NEB: variants seen among roughly 807,000 people sequenced by gnomAD.
NEB encodes the protein nemaline myopathy type 2.
In NEB, 512 loss-of-function variants were observed where a neutral mutation model predicts 952.2. The observed-to-expected ratio is 0.54, with a 90% CI of 0.50 to 0.58. The LOEUF (loss-of-function observed/expected upper bound fraction) is 0.58, where lower values mean the gene tolerates loss of function less well. Among genes scored for constraint, NEB ranks in the 20% least tolerant of loss-of-function variants. The pLI, the probability that NEB is intolerant of heterozygous loss-of-function variation, is 0.00. For missense variants in NEB, 8,428 were observed against 9,231.1 expected (o/e 0.91, Z 3.56); for synonymous variants, 2,900 against 3,149.8 (o/e 0.92, Z 2.66).
chr2:151,507,157 G>T, intron 162 of NEB, 144 bp from the exon 163 acceptor site: 1 of 566,082 alleles, frequency 1.8e-6, no homozygotes, highest in South Asian at 2.5e-5. Context: ...TAGCCCAAGG[G>T]AAATTATTTG....
At chr2:151,610,176 C>G (rs1213827465) in intron 80 of NEB, 56 bp from the exon 81 acceptor site, 1 of 1,400,410 alleles carries the variant, frequency 7.1e-7, no homozygotes. Context: ...TGCTCATGTG[C>G]TGACAATTAC....
chr2:151,554,921 C>A lies in NEB; in HGVS notation c.19428+10G>T. The A allele has an allele frequency of 3.2e-6, 5 of 1,583,658 alleles. No homozygotes were observed. Among genetic ancestry groups the A allele is most frequent in the Non-Finnish European group, 4.3e-6 (5 of 1,152,268 alleles). ...ATCCTAGTCATTAAGGGGCGCATGA[C>A]CGTACTTACATCGATGTTAAGCTTG... On this transcript the variant is annotated intron_variant, in intron 125 of 181. Transcript: ENST00000397345.
At chr2:151,503,008 G>A (rs2065905881) in intron 166 of NEB, 123 bp from the exon 167 acceptor site, 2 of 633,086 alleles carry the variant, frequency 3.2e-6, no homozygotes, top group Admixed American at 6.5e-5. Context: ...TATTTAGTAA[G>A]GATAATGTTT....
rs186852328 is a variant in NEB, at chr2:151,646,079, A to G, written c.7536+51T>C. ...CTTCTAGACAATTTCACTGATTTAGAAACAATTAAAATGAGCTTTCTGAAA... is the reference window on the plus strand; with the variant it reads ...CTTCTAGACAATTTCACTGATTTAGGAACAATTAAAATGAGCTTTCTGAAA... On this transcript the variant is annotated intron_variant, in intron 55 of 181. Transcript: ENST00000397345. 8 of 1,354,574 alleles carry G rather than the reference A, an allele frequency of 5.9e-6. No homozygotes were observed. The East Asian group carries it at 2.0e-4, about 34-fold the overall frequency. 83.9% of individuals were successfully genotyped at this position (1,354,574 alleles called of 1,614,324 possible). A position where few individuals can be genotyped will look rare whatever the true frequency, so the allele number is the denominator to read the frequency against.
intron 11 of NEB, 106 bp from the exon 12 acceptor site, chr2:151,709,869 C>T (rs993918847): frequency 2.5e-6 from 2 of 806,544 alleles, no homozygotes; most frequent in Non-Finnish European, 4.1e-6. Context: ...GCCACCCTGT[C>T]CTTGGTTTAG....
At chr2:151,730,616 G>GAAAA (rs869176689) in intron 3 of NEB, among the ~76,000 whole-genome samples, 1 of 124,260 alleles carries the variant, frequency 8.0e-6, no homozygotes, top group African/African-American at 3.9e-5. Context: ...ATTTCTTAGT[G>GAAAA]AAAAAAAAAA....
intron 173 of NEB, chr2:151,494,907 C>G (rs999938407): frequency 6.5e-6 from 1 of 153,268 alleles, no homozygotes; most frequent in African/African-American, 2.4e-5. Flanking sequence ...CTTGGCCTCC[C>G]AAAGTGCTGG....
chr2:151,508,156 A>G (rs182639010), intron 161 of NEB, 47 bp from the exon 162 acceptor site: 8 of 1,328,564 alleles, frequency 6.0e-6, no homozygotes, highest in East Asian at 2.4e-5. Context: ...CCACAGGGAT[A>G]TAGGCCAATG....
rs775450019 is a variant in NEB, at chr2:151,627,107, C to G, written c.10242G>C (p.Leu3414=). The change falls in exon 70 of 182, where the codon CTG becomes CTC. Residue 3414 remains leucine (L), a synonymous_variant. Transcript: ENST00000397345. Reference sequence around the variant, plus strand: ...GAGGCTGGCGGTAGATGTTATCACTCAGTATTTCAGCAGCTCTCTTGCACT... The same window carrying G: ...GAGGCTGGCGGTAGATGTTATCACTGAGTATTTCAGCAGCTCTCTTGCACT... ...VVKCKRAAEI[L]SDNIYRQPPD... is the part of the protein sequence containing the mutation. The G allele has an allele frequency of 3.7e-6, 6 of 1,613,924 alleles. No individual in the cohort carries two copies. In the South Asian group the frequency reaches 6.6e-5, roughly 18 times the overall value.
chr2:151,718,012 C>T (rs958482272), intron 9 of NEB, among the ~76,000 whole-genome samples: 3 of 152,132 alleles, frequency 2.0e-5, no homozygotes, highest in African/African-American at 7.2e-5. Flanking sequence ...CGCCACCGTG[C>T]CCGGCTAATT....
At position 151,600,704 on chromosome 2, in the gene NEB, C is replaced by T; in HGVS notation, c.13526G>A (p.Cys4509Tyr). Residue 4509 changes from cysteine (C) to tyrosine (Y), a missense_variant, in exon 89 of 182, where the codon TGT becomes TAT. Physicochemically the swap from Cys to Tyr is radical, Grantham distance 194. Around this residue, in one of 11 missense-constraint regions of NEB, gnomAD observed 5 missense variants for 203.8 expected, o/e 0.02. Transcript: ENST00000397345. ...YEKQKGHYIG[C>Y]RSAKEDPKLV... is the part of the protein sequence containing the mutation. ...TTTAGGGTCTTCCTTGGCGCTGCGA[C>T]AGCCAATGTAATGGCCTTTCTGTTT... The T allele has an allele frequency of 4.1e-5, 1 of 24,664 alleles. No homozygotes were observed. The highest frequency in any genetic ancestry group is 7.2e-5 in the Non-Finnish European group (1 of 13,954). The allele number at this position is 24,664 out of a possible 1,614,324, so 1.5% of individuals were successfully genotyped here.
Position 151,540,785 on chromosome 2 carries a change from A to G in NEB, c.20699T>C (p.Leu6900Pro). ...KLQSQYLYVE[L>P]ATKERPHHHA... ...ATGATGGGGTCTCTCTTTGGTGGCA[A>G]GTTCAACATACAGATACTGAATAAT... The change falls in exon 137 of 182, where the codon CTT becomes CCT. Residue 6900 changes from leucine to proline, a missense_variant. This residue lies in a region of NEB where 3,374 missense variants were observed against 3,651.5 expected (regional missense o/e 0.92). Transcript: ENST00000397345. 1 of 1,612,910 alleles carries G rather than the reference A, an allele frequency of 6.2e-7. No homozygotes were observed. Among genetic ancestry groups the G allele is most frequent in the Non-Finnish European group, 8.5e-7 (1 of 1,179,070 alleles).
chr2:151,577,681 C>T (rs994853565), intron 105 of NEB, among the ~76,000 whole-genome samples: 3 of 152,154 alleles, frequency 2.0e-5, no homozygotes, highest in African/African-American at 7.2e-5. Context: ...TAGGTTCAAA[C>T]GATTCTCCTG....
intron 65 of NEB, among the ~76,000 whole-genome samples, chr2:151,632,989 A>T (rs1050823350): frequency 1.3e-5 from 2 of 152,214 alleles, no homozygotes; most frequent in African/African-American, 4.8e-5. Context: ...GTAGGCTGTA[A>T]GTTTTTAGGA....
At chr2:151,650,097 T>C in intron 54 of NEB, 79 bp downstream of exon 54, 5 of 1,333,408 alleles carry the variant, frequency 3.7e-6, no homozygotes, top group Non-Finnish European at 5.3e-6. Flanking sequence ...GTGGTTCTAC[T>C]CATTTATTAA....
chr2:151,519,417 A>G (rs2080399773), intron 154 of NEB, among the ~76,000 whole-genome samples: 1 of 152,210 alleles, frequency 6.6e-6, no homozygotes, highest in South Asian at 2.1e-4. Context: ...TGCACTCTCT[A>G]AAACAGGCAA....
At chr2:151,620,343 G>GTATA (rs1331796136) in intron 72 of NEB, among the ~76,000 whole-genome samples, 186 of 48,776 alleles carry the variant, frequency 3.8e-3, no homozygotes, top group East Asian at 0.011. Flanking sequence ...ATATGTATGT[G>GTATA]TGTGTATATA....
chr2:151,579,151 A>C (rs2097032466), intron 105 of NEB, among the ~76,000 whole-genome samples, 187 bp downstream of exon 105: 1 of 148,264 alleles, frequency 6.7e-6, no homozygotes, highest in Admixed American at 6.9e-5. Context: ...ATCTATAGGA[A>C]AATTCTGGTA....
At position 151,527,523 on chromosome 2, in the gene NEB, C is replaced by T. The variant is rs375581714; in HGVS notation, c.21798G>A (p.Pro7266=). 6.8e-6 allele frequency: 11 copies of T among 1,613,394 alleles called. No individual in the cohort carries two copies. Among genetic ancestry groups the T allele is most frequent in the South Asian group, 4.4e-5 (4 of 90,922 alleles). ...ATGACTTGGCAGCCTGGAGGAAGTC[C>T]GGTCGGTCAGGAGTCCACTTCCAGT... ...KAHWKWTPDR[P]DFLQAAKSSL... The change falls in exon 147 of 182, where the codon CCG becomes CCA. Residue 7266 remains proline, a synonymous_variant. Transcript: ENST00000397345.
Sources: gnomAD v4.1 joint callset for allele counts (sites outside exome capture counted in the v4.1 genomes callset) on GRCh38, gnomAD v4.1.1 for gene constraint, gnomAD v4.1.1 regional missense constraint, MANE v1.5 for transcripts, NCBI Gene and HGNC (gene_info 2026-07-23, HGNC 2026-07-21) for gene names.